PCNT: variants seen among roughly 807,000 people sequenced by gnomAD.
The protein encoded by PCNT is pericentrin.
PCNT carries 319 observed loss-of-function variants against 380.4 expected under a neutral mutation model. The ratio of observed to expected loss-of-function variants is 0.84; its 90% CI spans 0.77 to 0.92. The LOEUF is 0.92. Ranked by LOEUF, PCNT falls within the 40% of genes least tolerant of loss-of-function variation. The pLI is 0.00. For missense variants in PCNT, 4,400 were observed against 4,255.3 expected (o/e 1.03, Z -0.95); for synonymous variants, 1,845 against 1,735.2 (o/e 1.06, Z -1.57).
intron 36 of PCNT, 59 bp from the exon 37 acceptor site, chr21:46,430,448 G>GC (rs1404569624): frequency 2.6e-6 from 4 of 1,544,794 alleles, no homozygotes; most frequent in South Asian, 1.2e-5. Flanking sequence ...GGAGCTCCCA[G>GC]CCCCCGGGAA....
chr21:46,431,598 C>G lies in PCNT; in HGVS notation c.8134C>G (p.Gln2712Glu). 6.2e-7 allele frequency: 1 copy of G among 1,614,082 alleles called. No individual in the cohort carries two copies. Among genetic ancestry groups the G allele is most frequent in the Non-Finnish European group, 8.5e-7 (1 of 1,179,956 alleles). ...SRLCVALKHE[Q>E]TAKDNLQKEL... The stretch of plus-strand genomic sequence containing the variant: ...ACTCTGCGTGGCACTGAAACACGAG[C>G]AGACGGCCAAGGACAACCTGCAGAA... The change falls in exon 38 of 47, where the codon CAG becomes GAG. Residue 2712 changes from glutamine (Q) to glutamate (E), a missense_variant. Gln to Glu is a conservative substitution (Grantham distance 29). Transcript: ENST00000359568.
chr21:46,385,097 T>G (rs3788262), intron 16 of PCNT, among the ~76,000 whole-genome samples: 101,745 of 152,138 alleles, frequency 0.67, 34,720 homozygotes, highest in African/African-American at 0.79. Context: ...GCTCACACCT[T>G]TAATCCCAGC....
In PCNT at chr21:46,399,629, G is replaced by A. The variant is rs1224710803; in HGVS notation, c.4624G>A (p.Glu1542Lys). The A allele has an allele frequency of 1.9e-6, 3 of 1,613,790 alleles. No homozygotes were observed. The African/African-American group carries it at 4.0e-5, about 22-fold the overall frequency. ...ACAAAAGTTGAGAGAAAAGTTGGAT[G>A]AATTTAATGAATTGGCTATACAGAA... ...LQQKLREKLD[E>K]FNELAIQKES... Residue 1542 changes from glutamate (E) to lysine (K), a missense_variant, in exon 25 of 47, where the codon GAA becomes AAA. Physicochemically the swap from Glu to Lys is moderately conservative, Grantham distance 56. Transcript: ENST00000359568.
chr21:46,363,389 TC>T, intron 13 of PCNT, 90 bp from the exon 14 acceptor site: 2 of 925,616 alleles, frequency 2.2e-6, no homozygotes, highest in Non-Finnish European at 3.6e-6. Flanking sequence ...TGGTGAAAAT[TC>T]CCTGTCTTCA....
chr21:46,330,535 T>TA (rs2083524721), intron 2 of PCNT, among the ~76,000 whole-genome samples: 1 of 152,220 alleles, frequency 6.6e-6, no homozygotes, highest in Non-Finnish European at 1.5e-5. Context: ...ATTTTGTCAA[T>TA]TATGTATATA....
At chr21:46,383,637 T>G (rs1430518276) in intron 16 of PCNT, among the ~76,000 whole-genome samples, 1 of 144,158 alleles carries the variant, frequency 6.9e-6, no homozygotes, top group Non-Finnish European at 1.5e-5. Flanking sequence ...CAGAAGCGCA[T>G]TCACGGTGTT....
chr21:46,369,257 A>G (rs1569210539), intron 15 of PCNT, among the ~76,000 whole-genome samples: 1 of 152,110 alleles, frequency 6.6e-6, no homozygotes, highest in Non-Finnish European at 1.5e-5. Context: ...TTGTTTTTTA[A>G]AAGACAGGGT....
chr21:46,385,280 C>G (rs945501298), intron 16 of PCNT, among the ~76,000 whole-genome samples: 1 of 152,190 alleles, frequency 6.6e-6, no homozygotes. Flanking sequence ...TGTTTGTGCC[C>G]TGGAGTTTGA....
Position 46,438,182 on chromosome 21 carries a change from C to T in PCNT, c.9118C>T (p.Leu3040=). ...CTCCAAGAAAAAAATGGCAGCAGAG[C>T]TGCAGTTCCAGTTTGTGGACGTCCT... ...TSSQKKMAAE[L]QFQFVDVLLK... The change falls in exon 41 of 47, where the codon CTG becomes TTG. Residue 3040 remains leucine, a synonymous_variant. Coordinates refer to ENST00000359568, the MANE Select transcript of PCNT (RefSeq NM_006031.6). The T allele has an allele frequency of 6.2e-7, 1 of 1,613,994 alleles. No homozygotes were observed. Among genetic ancestry groups the T allele is most frequent in the Non-Finnish European group, 8.5e-7 (1 of 1,179,826 alleles).
chr21:46,328,586 G>T (rs186512246), intron 2 of PCNT, among the ~76,000 whole-genome samples: 2 of 152,166 alleles, frequency 1.3e-5, no homozygotes, highest in South Asian at 2.1e-4. Flanking sequence ...TCAGCCTCCC[G>T]TGTAGCTGGG....
intron 2 of PCNT, among the ~76,000 whole-genome samples, chr21:46,327,965 T>A (rs1363211946): frequency 6.6e-6 from 1 of 152,186 alleles, no homozygotes; most frequent in Non-Finnish European, 1.5e-5. Context: ...CCTACAAACC[T>A]GCCTGGAGGC....
At chr21:46,363,972 G>T (rs2084810754) in intron 14 of PCNT, 38 bp downstream of exon 14, 5 of 1,573,606 alleles carry the variant, frequency 3.2e-6, no homozygotes, top group Non-Finnish European at 4.3e-6. Flanking sequence ...TCCCTGTGAG[G>T]CCAGACACCT....
chr21:46,325,228 C>A (rs1024953391), intron 1 of PCNT: 179 of 982,326 alleles, frequency 1.8e-4, no homozygotes, highest in East Asian at 2.3e-4. Flanking sequence ...CCGCTCCCCC[C>A]CAGGATGTTC....
chr21:46,426,209 T>G (rs2087499461), intron 33 of PCNT, among the ~76,000 whole-genome samples: 1 of 151,822 alleles, frequency 6.6e-6, no homozygotes, highest in Non-Finnish European at 1.5e-5. Context: ...AATTTTTGTA[T>G]TTTTAGTAGA....
In PCNT at chr21:46,421,614, C is replaced by T. The variant is rs537559210; in HGVS notation, c.7025-356C>T. 4.5e-4 allele frequency among the ~76,000 whole-genome samples: 69 copies of T among 152,330 alleles called. 2 individuals carry two copies. In the South Asian group the frequency reaches 8.5e-3, roughly 19 times the overall value. On this transcript the variant is annotated intron_variant, in intron 31 of 46. Transcript: ENST00000359568. Reference sequence around the variant, plus strand: ...TGGCTGGCGTGGAGGGTGCAGGCCCCGCACGTCCCGCTGCTCTTGAGCTTG... The same window carrying T: ...TGGCTGGCGTGGAGGGTGCAGGCCCTGCACGTCCCGCTGCTCTTGAGCTTG...
chr21:46,435,769 C>T (rs1331170958), intron 38 of PCNT, 135 bp from the exon 39 acceptor site: 1 of 916,174 alleles, frequency 1.1e-6, no homozygotes, highest in Non-Finnish European at 1.7e-6. Flanking sequence ...GTCTCAATCT[C>T]CTGACCTCAT....
At chr21:46,393,546 C>G (rs894442471) in intron 21 of PCNT, among the ~76,000 whole-genome samples, 1 of 152,166 alleles carries the variant, frequency 6.6e-6, no homozygotes, top group Non-Finnish European at 1.5e-5. Context: ...CACACCCCGC[C>G]GGGGGAGACC....
intron 15 of PCNT, among the ~76,000 whole-genome samples, chr21:46,372,636 C>G (rs1323635767): frequency 1.3e-5 from 2 of 152,188 alleles, no homozygotes; most frequent in Admixed American, 6.5e-5. Flanking sequence ...CAAGGACATG[C>G]TAAGATCTCA....
Position 46,411,555 on chromosome 21 carries a change from G to T in PCNT, c.5482G>T (p.Glu1828Ter), listed in dbSNP as rs1315359733. The T allele has an allele frequency of 6.2e-7, 1 of 1,612,378 alleles. No homozygotes were observed. The highest frequency in any genetic ancestry group is 1.1e-5 in the South Asian group (1 of 91,078). ...CCTGCAGCAGCGCCTCCAGGGCGCA[G>T]AGGAGGCTGCGGAGCTACAGCTGGC... ...EALQQRLQGAEEAAELQLAEL... is the reference protein window; with the variant it reads ...EALQQRLQGA Residue 1828 changes from glutamate to a stop codon, truncating the protein, a stop_gained, in exon 28 of 47, where the codon GAG (glutamate) becomes TAG (stop). Transcript: ENST00000359568. LOFTEE classifies it high-confidence loss of function.
Sources: gnomAD v4.1 joint callset for allele counts (sites outside exome capture counted in the v4.1 genomes callset) on GRCh38, gnomAD v4.1.1 for gene constraint, MANE v1.5 for transcripts, NCBI Gene and HGNC (gene_info 2026-07-23, HGNC 2026-07-21) for gene names.